Variants in GPBP1 observed in about 807,000 individuals in gnomAD.
The protein encoded by GPBP1 is GC-rich promoter binding protein 1.
Under a neutral mutation model 56.5 loss-of-function variants are expected in GPBP1, and 13 were observed. The ratio of observed to expected loss-of-function variants is 0.23; its 90% confidence interval spans 0.15 to 0.37. The LOEUF (loss-of-function observed/expected upper bound fraction) is 0.37, where lower values mean the gene tolerates loss of function less well. GPBP1 is among the 10% of genes least tolerant of loss of function. GPBP1 has a pLI of 1.00. For synonymous variants in GPBP1, 204 were observed against 188.9 expected (o/e 1.08, Z -0.66); for missense variants, 477 against 572.3 (o/e 0.83, Z 1.70).
intron 2 of GPBP1, among the ~76,000 whole-genome samples, chr5:57,201,674 C>A (rs914733040): frequency 2.2e-4 from 34 of 152,124 alleles, no homozygotes; most frequent in African/African-American, 8.0e-4. Context: ...AGTAAGTAAA[C>A]ATTCTTTTTT....
Position 57,200,010 on chromosome 5 carries a change from T to TA in GPBP1, c.-57-14063dup, listed in dbSNP as rs1359628592. ...GGCGTGAGCCACTGCGCCTGGCCCT[T>TA]ACTTGAAAATCTTTTTTTTTTTTTT... On this transcript the variant is annotated intron_variant, in intron 2 of 11. Coordinates refer to ENST00000506184, the MANE Select transcript of GPBP1 (RefSeq NM_022913.4). 7.7e-5 allele frequency among the ~76,000 whole-genome samples: 11 copies of TA among 143,022 alleles called. No individual in the cohort carries two copies. In the Admixed American group the frequency reaches 8.0e-4, roughly 10 times the overall value. 93.8% of individuals were successfully genotyped at this position (143,022 alleles called of 152,430 possible).
chr5:57,246,353 G>A lies in GPBP1; in HGVS notation c.532G>A (p.Gly178Ser). 6.2e-7 allele frequency: 1 copy of A among 1,613,708 alleles called. No individual in the cohort carries two copies. The highest frequency in any genetic ancestry group is 8.5e-7 in the Non-Finnish European group (1 of 1,179,726). The change falls in exon 7 of 12, where the codon GGT becomes AGT. Residue 178 changes from glycine (G) to serine (S), a missense_variant. By Grantham distance (56) the Gly-to-Ser change is moderately conservative. Transcript: ENST00000506184. ...RAPRMLVIKK[G>S]NTKDLQLSGF... is the part of the protein sequence containing the mutation. ...TCCAAGGATGCTGGTCATTAAGAAA[G>A]GTAATACAAAAGACTTACAGCTATC...
intron 2 of GPBP1, among the ~76,000 whole-genome samples, chr5:57,202,150 C>T (rs958678558): frequency 3.3e-5 from 5 of 152,108 alleles, no homozygotes; most frequent in South Asian, 2.1e-4. Flanking sequence ...CATGCCACTA[C>T]GCTCGGCTAG....
chr5:57,183,940 G>A (rs544849015), intron 2 of GPBP1, among the ~76,000 whole-genome samples: 3 of 151,920 alleles, frequency 2.0e-5, no homozygotes, highest in East Asian at 1.9e-4. Context: ...CATGTCCAGC[G>A]AATTTTTTAT....
At chr5:57,209,372 C>T (rs930228607) in intron 2 of GPBP1, among the ~76,000 whole-genome samples, 3 of 152,190 alleles carry the variant, frequency 2.0e-5, no homozygotes, top group Non-Finnish European at 4.4e-5. Context: ...GCCATTATAG[C>T]ACTCTACAGC....
At chr5:57,187,018 G>A (rs895307204) in intron 2 of GPBP1, among the ~76,000 whole-genome samples, 13 of 150,168 alleles carry the variant, frequency 8.7e-5, no homozygotes, top group East Asian at 3.9e-4. Context: ...GTGTGTGTGT[G>A]TGTGTGTGTG....
chr5:57,199,307 T>A (rs1413028865), intron 2 of GPBP1, among the ~76,000 whole-genome samples: 1 of 152,158 alleles, frequency 6.6e-6, no homozygotes, highest in Admixed American at 6.6e-5. Context: ...TGACTCACAG[T>A]TTTATATTAT....
intron 3 of GPBP1, 122 bp downstream of exon 3, chr5:57,214,315 G>T: frequency 2.4e-6 from 2 of 845,570 alleles, no homozygotes; most frequent in Non-Finnish European, 2.0e-6. Flanking sequence ...GCTGGGCGCG[G>T]TGGCTCACCC....
chr5:57,197,098 G>T (rs1273452154), intron 2 of GPBP1, among the ~76,000 whole-genome samples: 1 of 152,000 alleles, frequency 6.6e-6, no homozygotes, highest in Non-Finnish European at 1.5e-5. Flanking sequence ...AATTTTAGTA[G>T]AGACAGCGTT....
At chr5:57,229,269 G>GAAAAAAA (rs1756337549) in intron 3 of GPBP1, among the ~76,000 whole-genome samples, 1 of 89,658 alleles carries the variant, frequency 1.1e-5, no homozygotes, top group African/African-American at 4.8e-5. Context: ...AAAAAAAAAG[G>GAAAAAAA]AGTTGTCTGT....
At chr5:57,181,453 C>A (rs1362502248) in intron 2 of GPBP1, among the ~76,000 whole-genome samples, 1 of 151,450 alleles carries the variant, frequency 6.6e-6, no homozygotes, top group Non-Finnish European at 1.5e-5. Flanking sequence ...AAAAAAGAAC[C>A]TCTGACATAC....
In GPBP1 at chr5:57,181,604, T is replaced by TG. The variant is rs1457167380; in HGVS notation, c.-58+5211dup. ...GCCTAGGGAACATTTAAAAAAAAGG[T>TG]GGGGGGGCGGTGCGGGGGCAGGGAA... On this transcript the variant is annotated intron_variant, in intron 2 of 11. Transcript: ENST00000506184. 3.1e-3 allele frequency among the ~76,000 whole-genome samples: 375 copies of TG among 121,062 alleles called. 4 individuals carry two copies. Among genetic ancestry groups the TG allele is most frequent in the African/African-American group, 0.01 (337 of 32,510 alleles). 79.4% of individuals were successfully genotyped at this position (121,062 alleles called of 152,430 possible).
chr5:57,222,424 A>T (rs1475597831), intron 3 of GPBP1, among the ~76,000 whole-genome samples: 1 of 152,210 alleles, frequency 6.6e-6, no homozygotes, highest in Non-Finnish European at 1.5e-5. Flanking sequence ...GATTATTAGG[A>T]TAGTAGACTA....
intron 2 of GPBP1, among the ~76,000 whole-genome samples, chr5:57,199,524 C>G (rs764784163): frequency 5.1e-4 from 77 of 151,816 alleles, no homozygotes; most frequent in Non-Finnish European, 8.5e-4. Flanking sequence ...TACCAGATTT[C>G]TTTTCTTTTC....
intron 2 of GPBP1, among the ~76,000 whole-genome samples, chr5:57,180,991 C>T (rs187886176): frequency 1.3e-5 from 2 of 152,170 alleles, no homozygotes; most frequent in Admixed American, 1.3e-4. Flanking sequence ...ATCCACCCAC[C>T]TCAACAAATT....
chr5:57,253,798 G>A (rs1741502065), intron 10 of GPBP1, among the ~76,000 whole-genome samples: 2 of 152,230 alleles, frequency 1.3e-5, no homozygotes, highest in Non-Finnish European at 2.9e-5. Flanking sequence ...AAAAAACATA[G>A]AGATGAGCTC....
At chr5:57,261,067 G>T in intron 10 of GPBP1, 113 bp from the exon 11 acceptor site, 1 of 690,810 alleles carries the variant, frequency 1.4e-6, no homozygotes, top group Non-Finnish European at 2.6e-6. Flanking sequence ...GATGTGTCTT[G>T]GGGTCTTTGT....
chr5:57,242,194 T>A (rs1561366856), intron 6 of GPBP1, among the ~76,000 whole-genome samples: 1 of 152,216 alleles, frequency 6.6e-6, no homozygotes, highest in Admixed American at 6.5e-5. Context: ...TTTTTCCCTC[T>A]GATATCTAAT....
At chr5:57,224,385 G>T (rs1756087613) in intron 3 of GPBP1, among the ~76,000 whole-genome samples, 1 of 151,888 alleles carries the variant, frequency 6.6e-6, no homozygotes, top group Non-Finnish European at 1.5e-5. Flanking sequence ...TGGGACTACA[G>T]GCAGATGCCA....
Sources: gnomAD v4.1 joint callset for allele counts (sites outside exome capture counted in the v4.1 genomes callset) on GRCh38, gnomAD v4.1.1 for gene constraint, MANE v1.5 for transcripts, NCBI Gene and HGNC (gene_info 2026-07-23, HGNC 2026-07-21) for gene names.